Variants in CDH23 observed in about 807,000 individuals in gnomAD.
CDH23 encodes the protein cadherin-23.
In CDH23, 189 loss-of-function variants were observed where a neutral mutation model predicts 317.1. That is an observed-to-expected ratio of 0.60 (90% CI 0.53 to 0.67). The LOEUF (loss-of-function observed/expected upper bound fraction) is 0.67. CDH23 is among the 30% of genes least tolerant of loss of function. CDH23 has a pLI of 0.00. For synonymous variants in CDH23, 1,839 were observed against 1,876.8 expected (o/e 0.98, Z 0.52); for missense variants, 4,401 against 4,592.4 (o/e 0.96, Z 1.20).
At chr10:71,798,612 G>A (rs751486917) in intron 50 of CDH23, 34 bp downstream of exon 50, 1 of 1,513,972 alleles carries the variant, frequency 6.6e-7, no homozygotes, top group Non-Finnish European at 9.0e-7. Flanking sequence ...AGGGCTGGGG[G>A]ACATATATCT....
At chr10:71,564,281 G>A (rs1207153596) in intron 6 of CDH23, among the ~76,000 whole-genome samples, 1 of 152,208 alleles carries the variant, frequency 6.6e-6, no homozygotes, top group Non-Finnish European at 1.5e-5. Flanking sequence ...GTGCTGATGA[G>A]CGCCCCTCCT....
intron 45 of CDH23, 51 bp from the exon 46 acceptor site, chr10:71,790,237 A>T: frequency 1.2e-6 from 2 of 1,601,596 alleles, no homozygotes; most frequent in African/African-American, 1.3e-5. Context: ...GGGAGGTGGG[A>T]GGGCAGGGGG....
At chr10:71,488,216 G>A (rs1852456696) in intron 3 of CDH23, among the ~76,000 whole-genome samples, 1 of 152,244 alleles carries the variant, frequency 6.6e-6, no homozygotes, top group East Asian at 1.9e-4. Flanking sequence ...GTCAGGAGGT[G>A]CCTGGGTGGA....
intron 1 of CDH23, among the ~76,000 whole-genome samples, chr10:71,424,397 G>A (rs768673888): frequency 6.6e-6 from 1 of 152,242 alleles, no homozygotes; most frequent in African/African-American, 2.4e-5. Context: ...AATCCAAACA[G>A]CATCTCACAC....
Position 71,625,396 on chromosome 10 carries a change from TAA to T in CDH23, c.1134+8030_1134+8031del, listed in dbSNP as rs1156772192. 8.2e-3 allele frequency among the ~76,000 whole-genome samples: 162 copies of T among 19,818 alleles called. 1 individual carries two copies. Among genetic ancestry groups the T allele is most frequent in the African/African-American group, 0.02 (120 of 6,124 alleles). The allele number at this position is 19,818 out of a possible 152,430, so 13.0% of individuals were successfully genotyped here. A position where few individuals can be genotyped will look rare whatever the true frequency, so the allele number is the denominator to read the frequency against. On this transcript the variant is annotated intron_variant, in intron 11 of 69. Coordinates refer to ENST00000224721, the MANE Select transcript of CDH23 (RefSeq NM_022124.6). Reference sequence around the variant, plus strand: ...ATGGAGAAAACATCACCAAATAAATTAAAAAAAAAAAAAAAAAAAAAAAAAAA... The same window carrying T: ...ATGGAGAAAACATCACCAAATAAATTAAAAAAAAAAAAAAAAAAAAAAAAA...
chr10:71,625,423 A>AAAAAAAAAG (rs1861681672), intron 11 of CDH23, among the ~76,000 whole-genome samples: 2 of 138,622 alleles, frequency 1.4e-5, no homozygotes. Flanking sequence ...AAAAAAAAAA[A>AAAAAAAAAG]ATGACAAGGA....
In CDH23 at chr10:71,810,545, C is replaced by T; in HGVS notation, c.9053C>T (p.Thr3018Ile). The change falls in exon 62 of 70, where the codon ACC becomes ATC. Residue 3018 changes from threonine (T) to isoleucine (I), a missense_variant. Physicochemically the swap from Thr to Ile is moderately conservative, Grantham distance 89. This residue lies in a region of CDH23 where 1,144 missense variants were observed against 1,138.2 expected (regional missense o/e 1.01). Transcript: ENST00000224721. ...ELLIHVVNRD[T>I]NRILDVDRVI... ...CTTATCCACGTGGTGAACCGCGATA[C>T]CAACCGCATCCTGGACGTGGACCGG... The T allele has an allele frequency of 6.2e-7, 1 of 1,613,930 alleles. No individual in the cohort carries two copies. The highest frequency in any genetic ancestry group is 8.5e-7 in the Non-Finnish European group (1 of 1,179,840).
At chr10:71,791,737 A>G (rs1017770760) in intron 47 of CDH23, among the ~76,000 whole-genome samples, 22 of 151,460 alleles carry the variant, frequency 1.5e-4, no homozygotes, top group Non-Finnish European at 5.9e-5. Flanking sequence ...CACCACACCC[A>G]GCTAATTTTT....
chr10:71,508,290 A>G (rs1214394997), intron 3 of CDH23: 6 of 152,190 alleles, frequency 3.9e-5, no homozygotes, highest in Admixed American at 3.9e-4. Context: ...GGTCATGTCC[A>G]TGAAGTCCTG....
intron 6 of CDH23, among the ~76,000 whole-genome samples, chr10:71,537,243 G>A (rs1855752307): frequency 6.6e-6 from 1 of 151,996 alleles, no homozygotes; most frequent in Non-Finnish European, 1.5e-5. Context: ...GGAAATAATG[G>A]GATTTCTCCT....
chr10:71,510,080 A>G lies in CDH23; in HGVS notation c.146-2A>G, dbSNP rs794727649. Reference sequence around the variant, plus strand: ...CTCTGCTCTCTCCCTTGGCTACTCCAGGTTCTTCTGTGACCCAGTTGCTGG... The same window carrying G: ...CTCTGCTCTCTCCCTTGGCTACTCCGGGTTCTTCTGTGACCCAGTTGCTGG... On this transcript the variant is annotated splice_acceptor_variant, in intron 3 of 69. Coordinates refer to ENST00000224721, the MANE Select transcript of CDH23 (RefSeq NM_022124.6). LOFTEE classifies it high-confidence loss of function. The G allele has an allele frequency of 6.2e-7, 1 of 1,613,858 alleles. No homozygotes were observed. Among genetic ancestry groups the G allele is most frequent in the African/African-American group, 1.3e-5 (1 of 74,918 alleles).
At chr10:71,667,397 C>CAT (rs1300179586) in intron 14 of CDH23, among the ~76,000 whole-genome samples, 1 of 106,880 alleles carries the variant, frequency 9.4e-6, no homozygotes, top group Non-Finnish European at 2.3e-5. Context: ...TGTGTGTGTG[C>CAT]GCGTGTGTGT....
chr10:71,403,326 C>CCTTTCTTTCTTT (rs201389920), intron 1 of CDH23, among the ~76,000 whole-genome samples: 27 of 60,768 alleles, frequency 4.4e-4, no homozygotes, highest in Non-Finnish European at 5.5e-4. Flanking sequence ...TTCCTTCCTT[C>CCTTTCTTTCTTT]CTTTCTTTCT....
At chr10:71,640,508 G>A (rs569202101) in intron 11 of CDH23, among the ~76,000 whole-genome samples, 22 of 152,356 alleles carry the variant, frequency 1.4e-4, no homozygotes, top group African/African-American at 5.1e-4. Context: ...CCAGCACTTT[G>A]GGAGGCCGAG....
intron 17 of CDH23, among the ~76,000 whole-genome samples, chr10:71,680,608 C>T (rs976424590): frequency 1.6e-4 from 25 of 151,654 alleles, no homozygotes; most frequent in South Asian, 2.1e-4. Flanking sequence ...ATTGGCCAGG[C>T]GTGGTGGTGT....
chr10:71,695,582 C>T, intron 22 of CDH23, 57 bp downstream of exon 22: 1 of 1,223,180 alleles, frequency 8.2e-7, no homozygotes, highest in Middle Eastern at 1.9e-4. Context: ...GGTCTGTGCC[C>T]CTCCCACTGC....
intron 66 of CDH23, 34 bp from the exon 67 acceptor site, chr10:71,812,446 C>CCACCA: frequency 1.3e-6 from 2 of 1,548,614 alleles, no homozygotes; most frequent in Non-Finnish European, 1.8e-6. Context: ...CGAGCCTTCC[C>CCACCA]TCCCTCCCCA....
chr10:71,550,514 C>A (rs914698039), intron 6 of CDH23, among the ~76,000 whole-genome samples: 1 of 130,700 alleles, frequency 7.7e-6, no homozygotes, highest in Non-Finnish European at 1.5e-5. Flanking sequence ...AAGCTGTGAT[C>A]GTGCCACTGC....
intron 6 of CDH23, among the ~76,000 whole-genome samples, chr10:71,532,732 T>G (rs957117958): frequency 0.017 from 2,070 of 118,688 alleles, 55 homozygotes; most frequent in African/African-American, 0.062. Flanking sequence ...TTTTTGTTTT[T>G]TTTTTTTTTT....
Sources: allele counts gnomAD v4.1 joint callset (sites outside exome capture counted in the v4.1 genomes callset), GRCh38; gene constraint gnomAD v4.1.1; regional missense constraint gnomAD v4.1.1; transcripts MANE v1.5; gene names NCBI Gene and HGNC (gene_info 2026-07-23, HGNC 2026-07-21).